UHMK1: variants seen among roughly 807,000 people sequenced by gnomAD.
UHMK1 encodes serine/threonine-protein kinase Kist.
A neutral mutation model predicts 44.0 loss-of-function variants in UHMK1; 18 were observed. The ratio of observed to expected loss-of-function variants is 0.41; its 90% CI spans 0.28 to 0.61. The LOEUF (loss-of-function observed/expected upper bound fraction) is 0.61, where lower values mean the gene tolerates loss of function less well. Among genes scored for constraint, UHMK1 ranks in the 20% least tolerant of loss-of-function variants. UHMK1 has a pLI of 0.31. For synonymous variants in UHMK1, 231 were observed against 198.5 expected (o/e 1.16, Z -1.38); for missense variants, 463 against 522.5 (o/e 0.89, Z 1.11).
chr1:162,498,314 G>A (rs750499487), intron 1 of UHMK1, 46 bp downstream of exon 1: 3 of 1,533,534 alleles, frequency 2.0e-6, no homozygotes, highest in South Asian at 2.5e-5. Flanking sequence ...GTCACAGTCC[G>A]AGCACACTCT....
intron 7 of UHMK1, among the ~76,000 whole-genome samples, chr1:162,521,791 G>A (rs553515679): frequency 1.3e-5 from 2 of 152,292 alleles, no homozygotes; most frequent in South Asian, 4.1e-4. Context: ...ACCTTGCCCA[G>A]CTAATTTTTG....
intron 2 of UHMK1, 55 bp downstream of exon 2, chr1:162,500,302 A>C: frequency 5.8e-6 from 9 of 1,540,940 alleles, no homozygotes; most frequent in Non-Finnish European, 7.9e-6. Context: ...GGTTGAAGCC[A>C]AATATTTTTA....
chr1:162,512,462 T>A, intron 4 of UHMK1, 38 bp from the exon 5 acceptor site: 2 of 1,549,146 alleles, frequency 1.3e-6, no homozygotes, highest in South Asian at 2.4e-5. Context: ...TTCAAAAGAT[T>A]CAGCAGAAAT....
upstream of UHMK1, chr1:162,497,738 A>G (rs149844873): frequency 8.4e-7 from 1 of 1,190,180 alleles, no homozygotes; most frequent in Non-Finnish European, 1.1e-6. Flanking sequence ...TAGCGCGTCT[A>G]ATCTCTTCTA....
intron 3 of UHMK1, among the ~76,000 whole-genome samples, chr1:162,501,707 A>G (rs1651275008): frequency 6.6e-6 from 1 of 152,230 alleles, no homozygotes; most frequent in Non-Finnish European, 1.5e-5. Flanking sequence ...ACTAACAGTA[A>G]TATTAAGTTC....
Position 162,523,469 on chromosome 1 carries a change from G to T in UHMK1, c.*919G>T, listed in dbSNP as rs953805930. On this transcript the variant is annotated 3_prime_UTR_variant, in exon 8 of 8. Coordinates refer to ENST00000489294, the MANE Select transcript of UHMK1 (RefSeq NM_175866.5). ...CTAAAATGATTGGAACAAAGACTAA[G>T]TTGTGCCAGATGTAAATCAACCCCT... 7 of 152,628 alleles carry T rather than the reference G, an allele frequency of 4.6e-5. No individual in the cohort carries two copies. The highest frequency in any genetic ancestry group is 1.4e-4 in the African/African-American group (6 of 41,452). 9.5% of individuals were successfully genotyped at this position (152,628 alleles called of 1,614,324 possible). A position where few individuals can be genotyped will look rare whatever the true frequency, so the allele number is the denominator to read the frequency against.
chr1:162,504,402 G>A (rs1242005087), intron 4 of UHMK1, among the ~76,000 whole-genome samples: 1 of 152,124 alleles, frequency 6.6e-6, no homozygotes, highest in Non-Finnish European at 1.5e-5. Context: ...TTGCCATGCT[G>A]ACATCATATA....
At chr1:162,506,317 G>C (rs1651467223) in intron 4 of UHMK1, among the ~76,000 whole-genome samples, 1 of 146,936 alleles carries the variant, frequency 6.8e-6, no homozygotes, top group Non-Finnish European at 1.5e-5. Context: ...CCACATTCTA[G>C]TGTTAGCACT....
chr1:162,499,918 A>G, intron 1 of UHMK1, 37 bp from the exon 2 acceptor site: 1 of 1,600,594 alleles, frequency 6.2e-7, no homozygotes, highest in Non-Finnish European at 8.5e-7. Context: ...ACTTACTCTG[A>G]GTCTGATTTT....
chr1:162,522,194 T>C (rs1169549893), intron 7 of UHMK1, among the ~76,000 whole-genome samples: 1 of 152,232 alleles, frequency 6.6e-6, no homozygotes, highest in Non-Finnish European at 1.5e-5. Flanking sequence ...TAAACCTTGC[T>C]GTCCTGAAGT....
chr1:162,523,062 A>G lies in UHMK1; in HGVS notation c.*512A>G, dbSNP rs1652118933. 6.5e-6 allele frequency: 1 copy of G among 154,472 alleles called. No individual in the cohort carries two copies. The highest frequency in any genetic ancestry group is 1.4e-5 in the Non-Finnish European group (1 of 69,188). The allele number at this position is 154,472 out of a possible 1,614,324, so 9.6% of individuals were successfully genotyped here. On this transcript the variant is annotated 3_prime_UTR_variant, in exon 8 of 8. Transcript: ENST00000489294. ...ACTGTGTTCTTAACACTGAGTTGTGAATTTTTTCTTAAAGCAGTACTGTAG... is the reference window on the plus strand; with the variant it reads ...ACTGTGTTCTTAACACTGAGTTGTGGATTTTTTCTTAAAGCAGTACTGTAG...
rs532796937 is a variant in UHMK1, at chr1:162,503,829, C to A, written c.829C>A (p.Leu277Ile). The A allele has an allele frequency of 5.6e-6, 9 of 1,614,038 alleles. No homozygotes were observed. In the East Asian group the frequency reaches 1.8e-4, roughly 32 times the overall value. ...GAATGCCGCAATTCCAGCCTATCAC[C>A]TAAGAGACCTTATCAAAAGGTATGT... ...VVNAAIPAYH[L>I]RDLIKSMLHD... The change falls in exon 4 of 8, where the codon CTA becomes ATA. Residue 277 changes from leucine to isoleucine, a missense_variant. Physicochemically the swap from Leu to Ile is conservative, Grantham distance 5. Around this residue, in one of 3 missense-constraint regions of UHMK1, gnomAD observed 264 missense variants for 326.3 expected, o/e 0.81. Transcript: ENST00000489294.
chr1:162,504,086 A>T (rs1334510537), intron 4 of UHMK1, among the ~76,000 whole-genome samples: 2 of 152,150 alleles, frequency 1.3e-5, no homozygotes, highest in Non-Finnish European at 2.9e-5. Flanking sequence ...TTGGCCACTC[A>T]TAGCCCTGGC....
chr1:162,497,322 T>TC (rs1439693739), upstream of UHMK1: 5 of 702,084 alleles, frequency 7.1e-6, no homozygotes, highest in Non-Finnish European at 1.3e-5. Flanking sequence ...GACCCCCACT[T>TC]CCCGTCATGG....
intron 6 of UHMK1, among the ~76,000 whole-genome samples, chr1:162,515,104 A>G (rs981275940): frequency 6.6e-6 from 1 of 152,136 alleles, no homozygotes; most frequent in Non-Finnish European, 1.5e-5. Context: ...CCCATAAATT[A>G]TATCAGTTTT....
Position 162,511,710 on chromosome 1 carries a change from T to C in UHMK1, c.849-790T>C, listed in dbSNP as rs115132865. Among the ~76,000 whole-genome samples, 732 of 152,320 alleles carry C rather than the reference T, an allele frequency of 4.8e-3. 5 individuals are homozygous for C. The highest frequency in any genetic ancestry group is 0.017 in the African/African-American group (691 of 41,564). The stretch of plus-strand genomic sequence containing the variant: ...GTGCAGCTTTTCTCTTGTTTTCTTC[T>C]AGTAGTTTTGGGTCTTACATTTAAA... On this transcript the variant is annotated intron_variant, in intron 4 of 7. Transcript: ENST00000489294.
chr1:162,520,172 G>T (rs1271935844), intron 7 of UHMK1, among the ~76,000 whole-genome samples: 1 of 152,208 alleles, frequency 6.6e-6, no homozygotes, highest in Non-Finnish European at 1.5e-5. Flanking sequence ...GGGATTAAAG[G>T]CGTGAGCCAC....
rs1418346789 is a variant in UHMK1 at position 162,523,715 on chromosome 1, C to G, written c.*1165C>G. ...TTTCTGTTTCTCGTATCCCTGCTCC[C>G]TTTTTCCTCCCCTTCCCTCATTCTT... is the stretch of plus-strand genomic sequence containing the variant. On this transcript the variant is annotated 3_prime_UTR_variant, in exon 8 of 8. Transcript: ENST00000489294. 1 of 152,114 alleles carries G rather than the reference C, an allele frequency of 6.6e-6. No individual in the cohort carries two copies. Among genetic ancestry groups the G allele is most frequent in the Non-Finnish European group, 1.5e-5 (1 of 68,028 alleles). 9.4% of individuals were successfully genotyped at this position (152,114 alleles called of 1,614,324 possible). A position where few individuals can be genotyped will look rare whatever the true frequency, so the allele number is the denominator to read the frequency against.
intron 4 of UHMK1, 117 bp downstream of exon 4, chr1:162,503,965 A>G: frequency 1.3e-6 from 1 of 774,104 alleles, no homozygotes; most frequent in Non-Finnish European, 2.0e-6. Flanking sequence ...ATAAGTAATG[A>G]AATAGTTTTA....
Sources: gnomAD v4.1 joint callset for allele counts (sites outside exome capture counted in the v4.1 genomes callset) on GRCh38, gnomAD v4.1.1 for gene constraint, gnomAD v4.1.1 regional missense constraint, MANE v1.5 for transcripts, NCBI Gene and HGNC (gene_info 2026-07-23, HGNC 2026-07-21) for gene names.